Variants in ASB3 observed in about 807,000 individuals in gnomAD.
ASB3 encodes the protein ankyrin repeat and SOCS box containing 3.
ASB3 carries 41 observed loss-of-function variants against 54.5 expected under a neutral mutation model. That is an observed-to-expected ratio of 0.75 (90% CI 0.59 to 0.98). The LOEUF is 0.98. Ranked by LOEUF, ASB3 falls within the 50% of genes least tolerant of loss-of-function variation. The pLI, the probability that ASB3 is intolerant of heterozygous loss-of-function variation, is 0.00. For synonymous variants in ASB3, 266 were observed against 221.2 expected, an observed-to-expected ratio of 1.20 and a Z score of -1.80; for missense variants, 733 against 620.0, an observed-to-expected ratio of 1.18 and a Z score of -1.94.
At chr2:53,754,181 G>A (rs1334482881) in intron 2 of ASB3, among the ~76,000 whole-genome samples, 1 of 152,150 alleles carries the variant, frequency 6.6e-6, no homozygotes, top group African/African-American at 2.4e-5. Context: ...CATTGTATTG[G>A]ATTGTAACCT....
chr2:53,736,363 T>C (rs1346570167), intron 3 of ASB3, among the ~76,000 whole-genome samples: 1 of 152,160 alleles, frequency 6.6e-6, no homozygotes, highest in Non-Finnish European at 1.5e-5. Context: ...GTGGTAAAAG[T>C]GGAACTATCA....
At chr2:53,776,646 C>A (rs182844925) in intron 1 of ASB3, among the ~76,000 whole-genome samples, 1 of 152,004 alleles carries the variant, frequency 6.6e-6, no homozygotes, top group Non-Finnish European at 1.5e-5. Flanking sequence ...CAGAAGAGCA[C>A]CATCTCTATA....
At chr2:53,674,861 G>C (rs1290005292) in intron 9 of ASB3, among the ~76,000 whole-genome samples, 1 of 151,952 alleles carries the variant, frequency 6.6e-6, no homozygotes, top group African/African-American at 2.4e-5. Flanking sequence ...AAGTACCTGA[G>C]AACTCTGAAA....
intron 3 of ASB3, among the ~76,000 whole-genome samples, chr2:53,741,945 A>T (rs1024094403): frequency 1.3e-5 from 2 of 152,204 alleles, no homozygotes; most frequent in African/African-American, 4.8e-5. Context: ...TGGGAGAAAG[A>T]GGACAGATGT....
rs757738523 is a variant in ASB3 at position 53,670,292 on chromosome 2, A to ATT, written c.*209_*210dup. 5.5e-3 allele frequency: 975 copies of ATT among 178,724 alleles called. 26 individuals are homozygous for ATT. The highest frequency in any genetic ancestry group is 0.027 in the African/African-American group (885 of 33,076). The allele number at this position is 178,724 out of a possible 1,614,324, so 11.1% of individuals were successfully genotyped here. A position where few individuals can be genotyped will look rare whatever the true frequency, so the allele number is the denominator to read the frequency against. Reference sequence around the variant, plus strand: ...TAAAGTAATATAAGTGATGTTTACAATTTTTTTTTTTTTTTTTTTTTTTTT... The same window carrying ATT: ...TAAAGTAATATAAGTGATGTTTACAATTTTTTTTTTTTTTTTTTTTTTTTTTT... On this transcript the variant is annotated 3_prime_UTR_variant, in exon 10 of 10. Coordinates refer to ENST00000263634, the MANE Select transcript of ASB3 (RefSeq NM_016115.5).
intron 1 of ASB3, chr2:53,767,838 C>T (rs773494026): frequency 6.4e-7 from 1 of 1,560,532 alleles, no homozygotes; most frequent in Non-Finnish European, 8.7e-7. Context: ...CCCGGCGGCG[C>T]GGCGACAGCT....
At chr2:53,708,288 C>T (rs1459800216) in intron 7 of ASB3, among the ~76,000 whole-genome samples, 1 of 152,202 alleles carries the variant, frequency 6.6e-6, no homozygotes, top group Non-Finnish European at 1.5e-5. Context: ...TAAGAAGCAG[C>T]CTGCTCTCAC....
intron 5 of ASB3, among the ~76,000 whole-genome samples, chr2:53,724,980 C>T (rs1443693576): frequency 6.6e-6 from 1 of 152,136 alleles, no homozygotes; most frequent in Admixed American, 6.5e-5. Context: ...CATGCACTTG[C>T]ATGTTCATCA....
At chr2:53,744,114 C>T (rs557793524) in intron 3 of ASB3, among the ~76,000 whole-genome samples, 32 of 151,076 alleles carry the variant, frequency 2.1e-4, no homozygotes, top group African/African-American at 6.3e-4. Context: ...CAGTGGCTCA[C>T]GCCTGTAATC....
chr2:53,781,234 CCTAT>C (rs539127230), intron 1 of ASB3, among the ~76,000 whole-genome samples: 152 of 152,006 alleles, frequency 1.0e-3, no homozygotes, highest in African/African-American at 3.5e-3. Context: ...ATGGCAAAAC[CCTAT>C]CTCTTACAAA....
intron 1 of ASB3, among the ~76,000 whole-genome samples, chr2:53,771,340 C>A (rs562699464): frequency 6.6e-6 from 1 of 152,110 alleles, no homozygotes; most frequent in Non-Finnish European, 1.5e-5. Context: ...CATGGTAAAC[C>A]CGTCTCTACT....
intron 9 of ASB3, among the ~76,000 whole-genome samples, chr2:53,684,409 G>C (rs921502362): frequency 3.9e-5 from 6 of 152,124 alleles, no homozygotes; most frequent in African/African-American, 1.4e-4. Flanking sequence ...ATTCCTGATA[G>C]TAAATAATTC....
chr2:53,776,288 TA>T (rs748941862), intron 1 of ASB3, among the ~76,000 whole-genome samples: 6 of 152,230 alleles, frequency 3.9e-5, no homozygotes, highest in Non-Finnish European at 8.8e-5. Context: ...ACTTGTCCTG[TA>T]AAACAGAAAG....
At chr2:53,719,846 G>C (rs1401132974) in intron 5 of ASB3, among the ~76,000 whole-genome samples, 1 of 152,066 alleles carries the variant, frequency 6.6e-6, no homozygotes, top group Non-Finnish European at 1.5e-5. Context: ...AGGATCGCTT[G>C]AGCTCAGGAG....
At chr2:53,693,081 C>G (rs1360663316) in intron 9 of ASB3, among the ~76,000 whole-genome samples, 1 of 152,048 alleles carries the variant, frequency 6.6e-6, no homozygotes, top group Non-Finnish European at 1.5e-5. Context: ...TGTTAAAAAC[C>G]TATTCAAAAT....
At chr2:53,749,217 C>T (rs1176199654) in intron 3 of ASB3, among the ~76,000 whole-genome samples, 1 of 151,688 alleles carries the variant, frequency 6.6e-6, no homozygotes, top group Non-Finnish European at 1.5e-5. Context: ...ACATCATTGG[C>T]AATTAGGAAA....
At chr2:53,697,895 C>A (rs189941305) in intron 8 of ASB3, among the ~76,000 whole-genome samples, 2 of 152,338 alleles carry the variant, frequency 1.3e-5, no homozygotes, top group Admixed American at 6.5e-5. Context: ...TGGCTTTGCT[C>A]AGACTTCAGC....
intron 9 of ASB3, among the ~76,000 whole-genome samples, chr2:53,692,068 C>A (rs1668946997): frequency 6.6e-6 from 1 of 152,156 alleles, no homozygotes; most frequent in Non-Finnish European, 1.5e-5. Context: ...TTGGCAGCAT[C>A]CCTGGCCTCT....
At chr2:53,731,340 T>C (rs1671299992) in intron 3 of ASB3, among the ~76,000 whole-genome samples, 1 of 152,110 alleles carries the variant, frequency 6.6e-6, no homozygotes, top group Non-Finnish European at 1.5e-5. Flanking sequence ...AGGTGGAGGT[T>C]GCACTGCACT....
Sources: allele counts gnomAD v4.1 joint callset (sites outside exome capture counted in the v4.1 genomes callset), GRCh38; gene constraint gnomAD v4.1.1; transcripts MANE v1.5; gene names NCBI Gene and HGNC (gene_info 2026-07-23, HGNC 2026-07-21).